GHR: variants seen among roughly 807,000 people sequenced by gnomAD.
The protein encoded by GHR is growth hormone receptor.
GHR carries 35 observed loss-of-function variants against 67.1 expected under a neutral mutation model. The ratio of observed to expected loss-of-function variants is 0.52; its 90% CI spans 0.40 to 0.69. The LOEUF is 0.69. Among genes scored for constraint, GHR ranks in the 30% least tolerant of loss-of-function variants. The probability of loss-of-function intolerance (pLI) is 0.00; values close to 1 mark genes in which losing one functional copy is unlikely to be tolerated. For synonymous variants in GHR, 272 were observed against 269.1 expected, an observed-to-expected ratio of 1.01 and a Z score of -0.10; for missense variants, 792 against 764.6, an observed-to-expected ratio of 1.04 and a Z score of -0.42.
At chr5:42,702,043 A>T (rs551047180) in intron 6 of GHR, among the ~76,000 whole-genome samples, 1 of 152,268 alleles carries the variant, frequency 6.6e-6, no homozygotes, top group African/African-American at 2.4e-5. Flanking sequence ...ATTACCACAC[A>T]TACCTTTTTT....
At chr5:42,674,750 T>C (rs974062369) in intron 3 of GHR, among the ~76,000 whole-genome samples, 2 of 152,220 alleles carry the variant, frequency 1.3e-5, no homozygotes, top group Non-Finnish European at 2.9e-5. Flanking sequence ...CACTCATCAG[T>C]TGATGGACCT....
chr5:42,514,348 G>T lies in GHR; in HGVS notation c.-11-51516G>T, dbSNP rs530162186. On this transcript the variant is annotated intron_variant, in intron 1 of 9. Transcript: ENST00000230882. ...ACCCCTTGTTGAGATCTCCAGCCTT[G>T]CTCCTCTGATAACCAGGTCTCTCTT... 2.4e-5 allele frequency: 23 copies of T among 972,666 alleles called. No individual in the cohort carries two copies. In the African/African-American group the frequency reaches 3.8e-4, roughly 16 times the overall value. The allele number at this position is 972,666 out of a possible 1,614,324, so 60.3% of individuals were successfully genotyped here. A position where few individuals can be genotyped will look rare whatever the true frequency, so the allele number is the denominator to read the frequency against.
intron 1 of GHR, among the ~76,000 whole-genome samples, chr5:42,472,435 C>A (rs574110517): frequency 1.3e-5 from 2 of 152,264 alleles, no homozygotes; most frequent in African/African-American, 4.8e-5. Context: ...CAGTTAATGG[C>A]TTCAAGTCTA....
chr5:42,566,903 C>T lies in GHR; in HGVS notation c.70+959C>T, dbSNP rs569595076. 2.0e-5 allele frequency among the ~76,000 whole-genome samples: 3 copies of T among 152,248 alleles called. No individual in the cohort carries two copies. The East Asian group carries it at 5.8e-4, about 29-fold the overall frequency. On this transcript the variant is annotated intron_variant, in intron 2 of 9. Coordinates refer to ENST00000230882, the MANE Select transcript of GHR (RefSeq NM_000163.5). ...CCAAAAATAAATCCGTAGTAGTGAG[C>T]TGCTGAGGGTGACCACAGTCACTTA...
At chr5:42,591,535 G>A (rs1005055520) in intron 2 of GHR, among the ~76,000 whole-genome samples, 7 of 152,168 alleles carry the variant, frequency 4.6e-5, no homozygotes, top group African/African-American at 1.2e-4. Context: ...ATCTATCAAC[G>A]ACTGTTCCAC....
chr5:42,543,174 T>C (rs1748591650), intron 1 of GHR, among the ~76,000 whole-genome samples: 1 of 152,170 alleles, frequency 6.6e-6, no homozygotes, highest in Admixed American at 6.5e-5. Flanking sequence ...CTGGATTGAA[T>C]GGTAGATCTA....
intron 2 of GHR, among the ~76,000 whole-genome samples, chr5:42,587,031 A>G (rs1341782251): frequency 6.6e-6 from 1 of 152,190 alleles, no homozygotes; most frequent in Admixed American, 6.5e-5. Flanking sequence ...CTGAAAAAAA[A>G]AAAAAACTCA....
At chr5:42,458,061 C>T (rs1041581313) in intron 1 of GHR, among the ~76,000 whole-genome samples, 1 of 152,146 alleles carries the variant, frequency 6.6e-6, no homozygotes, top group African/African-American at 2.4e-5. Flanking sequence ...CATAGTGATG[C>T]AGAACATAAA....
intron 3 of GHR, among the ~76,000 whole-genome samples, chr5:42,665,741 T>TATA (rs1377295376): frequency 6.9e-6 from 1 of 144,532 alleles, no homozygotes; most frequent in African/African-American, 2.5e-5. Context: ...AAACTTAAAG[T>TATA]ATAATAATAA....
chr5:42,701,493 G>C (rs1757926832), intron 6 of GHR, among the ~76,000 whole-genome samples: 1 of 152,108 alleles, frequency 6.6e-6, no homozygotes, highest in Admixed American at 6.6e-5. Flanking sequence ...TGAACTAGTT[G>C]CTTTTATTGC....
chr5:42,569,445 G>A (rs1483219938), intron 2 of GHR, among the ~76,000 whole-genome samples: 1 of 152,144 alleles, frequency 6.6e-6, no homozygotes, highest in Non-Finnish European at 1.5e-5. Flanking sequence ...AGATAGCAAA[G>A]GCATTATGGA....
intron 1 of GHR, among the ~76,000 whole-genome samples, chr5:42,450,537 T>A (rs1315629098): frequency 6.6e-6 from 1 of 152,136 alleles, no homozygotes; most frequent in Non-Finnish European, 1.5e-5. Flanking sequence ...CACTAATGGT[T>A]TTTCAATCAA....
intron 3 of GHR, among the ~76,000 whole-genome samples, chr5:42,678,519 C>T (rs923336859): frequency 3.9e-5 from 6 of 152,072 alleles, no homozygotes; most frequent in Non-Finnish European, 7.4e-5. Context: ...CATAAAAAAA[C>T]GTTAAATGAT....
chr5:42,597,508 C>T (rs1752136131), intron 2 of GHR, among the ~76,000 whole-genome samples: 1 of 152,128 alleles, frequency 6.6e-6, no homozygotes, highest in Admixed American at 6.5e-5. Flanking sequence ...GGCTCTTGTT[C>T]TGAAAGGTGC....
At chr5:42,679,981 G>A (rs1380378293) in intron 3 of GHR, among the ~76,000 whole-genome samples, 1 of 152,150 alleles carries the variant, frequency 6.6e-6, no homozygotes, top group African/African-American at 2.4e-5. Context: ...TCAAACCTTT[G>A]AAGATCATGC....
chr5:42,461,902 G>A (rs145022678), intron 1 of GHR, among the ~76,000 whole-genome samples: 406 of 152,330 alleles, frequency 2.7e-3, no homozygotes, highest in African/African-American at 8.8e-3. Context: ...GAAAAACACA[G>A]GGAATGAGCA....
chr5:42,584,483 T>C (rs1012546472), intron 2 of GHR, among the ~76,000 whole-genome samples: 1 of 152,170 alleles, frequency 6.6e-6, no homozygotes, highest in Admixed American at 6.5e-5. Flanking sequence ...TTATCTATGT[T>C]AACCAATAGG....
intron 3 of GHR, among the ~76,000 whole-genome samples, chr5:42,634,314 G>T (rs549914998): frequency 3.3e-5 from 5 of 151,934 alleles, no homozygotes; most frequent in African/African-American, 9.7e-5. Context: ...AAATTGAACC[G>T]TATGAAATTG....
intron 3 of GHR, among the ~76,000 whole-genome samples, chr5:42,655,475 T>A (rs921116303): frequency 1.3e-5 from 2 of 152,156 alleles, no homozygotes; most frequent in Admixed American, 1.3e-4. Context: ...CGTGGTGACA[T>A]TGGCAGACTC....
Sources: allele counts gnomAD v4.1 joint callset (sites outside exome capture counted in the v4.1 genomes callset), GRCh38; gene constraint gnomAD v4.1.1; transcripts MANE v1.5; gene names NCBI Gene and HGNC (gene_info 2026-07-23, HGNC 2026-07-21).